The following RPS6KC1 variants were observed in gnomAD, a reference collection of about 807,000 sequenced individuals.
The protein encoded by RPS6KC1 is inactive ribosomal protein S6 kinase delta-1.
A neutral mutation model predicts 103.8 loss-of-function variants in RPS6KC1; 54 were observed. The observed-to-expected ratio is 0.52, with a 90% CI of 0.42 to 0.65. The LOEUF is 0.65. Among genes scored for constraint, RPS6KC1 ranks in the 30% least tolerant of loss-of-function variants. The pLI, the probability that RPS6KC1 is intolerant of heterozygous loss-of-function variation, is 0.00. For synonymous variants in RPS6KC1, 439 were observed against 438.7 expected (o/e 1.00, Z -0.01); for missense variants, 1,151 against 1,253.8 (o/e 0.92, Z 1.24).
At chr1:213,619,418 A>G in the RPS6KC1 span, among the ~76,000 whole-genome samples, 16 of 152,230 alleles carry the variant, frequency 1.1e-4, no homozygotes, top group Middle Eastern at 3.2e-3. Context: ...AAAGGGAAGG[A>G]CAACACCAAG....
intron 3 of RPS6KC1, among the ~76,000 whole-genome samples, chr1:213,101,741 T>A (rs1233447593): frequency 2.6e-5 from 4 of 152,214 alleles, no homozygotes; most frequent in African/African-American, 9.6e-5. Context: ...TCTAAGCTTT[T>A]AGATGTTTAC....
the RPS6KC1 span, among the ~76,000 whole-genome samples, chr1:213,381,743 C>T: frequency 6.6e-6 from 1 of 152,104 alleles, no homozygotes; most frequent in Non-Finnish European, 1.5e-5. Context: ...GCAGCACTGC[C>T]TCGCTGCTGC....
chr1:213,657,072 T>C, the RPS6KC1 span, among the ~76,000 whole-genome samples: 1 of 152,090 alleles, frequency 6.6e-6, no homozygotes, highest in African/African-American at 2.4e-5. Flanking sequence ...AAATGAAAAG[T>C]ATTCAACTAT....
the RPS6KC1 span, among the ~76,000 whole-genome samples, chr1:213,807,269 C>G: frequency 2.6e-5 from 4 of 152,226 alleles, no homozygotes; most frequent in South Asian, 2.1e-4. Flanking sequence ...TGGAGTTGCT[C>G]TTCTCGAGGA....
At chr1:213,760,335 A>G in the RPS6KC1 span, among the ~76,000 whole-genome samples, 2 of 152,228 alleles carry the variant, frequency 1.3e-5, no homozygotes, top group Non-Finnish European at 2.9e-5. Flanking sequence ...AAAAGCCTCC[A>G]CAATGGAGTA....
chr1:213,738,273 T>A, the RPS6KC1 span, among the ~76,000 whole-genome samples: 3 of 152,134 alleles, frequency 2.0e-5, no homozygotes, highest in African/African-American at 4.8e-5. Flanking sequence ...TCTCATAAGA[T>A]GTTAAAATGA....
chr1:213,440,593 TAAAAA>T, the RPS6KC1 span, among the ~76,000 whole-genome samples: 5 of 100,384 alleles, frequency 5.0e-5, no homozygotes, highest in East Asian at 9.4e-4. Flanking sequence ...TTAATGGAAC[TAAAAA>T]AAAAAAAAAA....
intron 8 of RPS6KC1, among the ~76,000 whole-genome samples, chr1:213,229,118 GA>G (rs1244828699): frequency 6.6e-6 from 1 of 152,110 alleles, no homozygotes; most frequent in East Asian, 1.9e-4. Context: ...TTGGGAAGAG[GA>G]TATGAGGTAC....
At chr1:213,445,704 C>T in the RPS6KC1 span, among the ~76,000 whole-genome samples, 7 of 152,244 alleles carry the variant, frequency 4.6e-5, no homozygotes, top group South Asian at 2.1e-4. Context: ...CTGAAGTAGC[C>T]GAGGAAGCCA....
the RPS6KC1 span, among the ~76,000 whole-genome samples, chr1:213,320,085 G>T: frequency 2.0e-5 from 3 of 152,204 alleles, no homozygotes; most frequent in Non-Finnish European, 2.9e-5. Context: ...ATGAGGCTGG[G>T]AGTTTTGGTG....
chr1:213,844,404 A>G, the RPS6KC1 span, among the ~76,000 whole-genome samples: 3 of 152,226 alleles, frequency 2.0e-5, no homozygotes, highest in African/African-American at 4.8e-5. Context: ...AGCAAATCAA[A>G]TGCATTTTGC....
chr1:213,349,784 T>G, the RPS6KC1 span, among the ~76,000 whole-genome samples: 3 of 152,164 alleles, frequency 2.0e-5, no homozygotes, highest in South Asian at 6.2e-4. Flanking sequence ...GTGAAGTTGA[T>G]TAGGATGTGC....
intron 3 of RPS6KC1, among the ~76,000 whole-genome samples, chr1:213,098,303 AT>A (rs34192228): frequency 0.64 from 77,754 of 121,772 alleles, 23,241 homozygotes; most frequent in African/African-American, 0.74. Flanking sequence ...TGCCCGGCTA[AT>A]TTTTTTTTTT....
At chr1:213,145,491 A>G (rs1319967316) in intron 6 of RPS6KC1, among the ~76,000 whole-genome samples, 3 of 152,132 alleles carry the variant, frequency 2.0e-5, no homozygotes, top group African/African-American at 7.2e-5. Context: ...AGTACTCATT[A>G]GTGTATGCTG....
At chr1:213,493,978 T>C in the RPS6KC1 span, among the ~76,000 whole-genome samples, 1 of 152,050 alleles carries the variant, frequency 6.6e-6, no homozygotes, top group South Asian at 2.1e-4. Flanking sequence ...TTGTTAGAAA[T>C]GCAAAAATCA....
chr1:213,602,190 TTCCCTCCC>T, the RPS6KC1 span, among the ~76,000 whole-genome samples: 2 of 60,580 alleles, frequency 3.3e-5, no homozygotes, highest in Non-Finnish European at 6.2e-5. Context: ...TTCTTTCTTT[TTCCCTCCC>T]TCCCTCCCTC....
At chr1:213,279,507 A>T (rs1259923185), downstream of RPS6KC1, among the ~76,000 whole-genome samples, 16 of 151,592 alleles carry the variant, frequency 1.1e-4, no homozygotes, top group Admixed American at 1.1e-3. Context: ...AGAGCTTAAA[A>T]CCCCTGGGTC....
the RPS6KC1 span, among the ~76,000 whole-genome samples, chr1:213,500,614 C>T: frequency 6.6e-6 from 1 of 152,110 alleles, no homozygotes; most frequent in East Asian, 1.9e-4. Context: ...ACTGTTATCA[C>T]CACAAACACA....
At chr1:213,152,277 G>C (rs1262659462) in intron 6 of RPS6KC1, among the ~76,000 whole-genome samples, 1 of 147,988 alleles carries the variant, frequency 6.8e-6, no homozygotes, top group Non-Finnish European at 1.5e-5. Flanking sequence ...CCTGGCGGGG[G>C]GCTGATCCCC....
Sources: allele counts gnomAD v4.1 joint callset (sites outside exome capture counted in the v4.1 genomes callset), GRCh38; gene constraint gnomAD v4.1.1; transcripts MANE v1.5; gene names NCBI Gene and HGNC (gene_info 2026-07-23, HGNC 2026-07-21).